The following ANO1 variants were observed in gnomAD, a reference collection of about 807,000 sequenced individuals.
ANO1 encodes anoctamin 1.
In ANO1, 59 loss-of-function variants were observed where a neutral mutation model predicts 124.0. That is an observed-to-expected ratio of 0.48 (90% confidence interval 0.39 to 0.59). The LOEUF (loss-of-function observed/expected upper bound fraction) is 0.59. Ranked by LOEUF, ANO1 falls within the 20% of genes least tolerant of loss-of-function variation. The pLI is 0.00. For missense variants in ANO1, 1,059 were observed against 1,328.0 expected (o/e 0.80, Z 3.15); for synonymous variants, 529 against 532.0 (o/e 0.99, Z 0.08).
the ANO1 span, among the ~76,000 whole-genome samples, chr11:69,974,925 C>G: frequency 6.6e-6 from 1 of 150,994 alleles, no homozygotes; most frequent in Non-Finnish European, 1.5e-5. Context: ...TTAGGACACA[C>G]ACACAGAGGA....
In ANO1 at chr11:70,087,985, G is replaced by T; in HGVS notation, c.342G>T (p.Glu114Asp). 1 of 1,570,122 alleles carries T rather than the reference G, an allele frequency of 6.4e-7. No individual in the cohort carries two copies. The highest frequency in any genetic ancestry group is 1.2e-5 in the South Asian group (1 of 84,848). ...CGTCGCTGGATGCAGGCTCGGGGGA[G>T]CCCCCGATGGACTACCACGAGGATG... ...KGASLDAGSG[E>D]PPMDYHEDDK... The change falls in exon 2 of 26, where the codon GAG becomes GAT. Residue 114 changes from glutamate (E) to aspartate (D), a missense_variant. Physicochemically the swap from Glu to Asp is conservative, Grantham distance 45. Around this residue, in one of 2 missense-constraint regions of ANO1, gnomAD observed 250 missense variants for 233.1 expected, o/e 1.07. Transcript: ENST00000355303.
At chr11:70,086,040 G>A (rs1341017563) in intron 1 of ANO1, among the ~76,000 whole-genome samples, 4 of 152,200 alleles carry the variant, frequency 2.6e-5, no homozygotes, top group African/African-American at 7.2e-5. Flanking sequence ...GGCGCAGCAT[G>A]CCGTCCCTGC....
chr11:70,037,775 G>A (rs1857118654), intron 1 of ANO1, among the ~76,000 whole-genome samples: 1 of 152,130 alleles, frequency 6.6e-6, no homozygotes, highest in Non-Finnish European at 1.5e-5. Context: ...CTGGGCTCTG[G>A]GCAAGTAGTT....
At chr11:70,103,977 C>A (rs190332309) in intron 3 of ANO1, 22 bp from the exon 4 acceptor site, 1 of 1,607,250 alleles carries the variant, frequency 6.2e-7, no homozygotes, top group South Asian at 1.1e-5. Context: ...CGCAGCTCCC[C>A]GGTCCCTTGT....
At chr11:70,152,281 G>A (rs899526735) in intron 12 of ANO1, among the ~76,000 whole-genome samples, 169 bp from the exon 13 acceptor site, 12 of 145,494 alleles carry the variant, frequency 8.2e-5, no homozygotes, top group African/African-American at 3.1e-4. Flanking sequence ...CTTGCAGTGA[G>A]CTGAGACCGC....
intron 1 of ANO1, among the ~76,000 whole-genome samples, chr11:70,079,507 G>A (rs1015516715): frequency 6.6e-6 from 1 of 152,024 alleles, no homozygotes; most frequent in Admixed American, 6.5e-5. Flanking sequence ...TTAGAGAGGG[G>A]GGCAGAATTC....
At chr11:69,989,808 C>T (rs1856119487) in intron 1 of ANO1, among the ~76,000 whole-genome samples, 2 of 152,128 alleles carry the variant, frequency 1.3e-5, no homozygotes, top group African/African-American at 4.8e-5. Context: ...AAGTAGGGCC[C>T]ACAGGAATTG....
chr11:70,105,079 C>G (rs7947409), intron 4 of ANO1, among the ~76,000 whole-genome samples: 7 of 151,756 alleles, frequency 4.6e-5, no homozygotes, highest in African/African-American at 1.7e-4. Context: ...CCAGGACCCC[C>G]GCCGACCTCC....
upstream of ANO1, chr11:70,075,559 A>C (rs2044047281): frequency 6.6e-6 from 1 of 152,216 alleles, no homozygotes; most frequent in African/African-American, 2.4e-5. Flanking sequence ...GTGGCCAAAC[A>C]GGCCAGCTGG....
upstream of ANO1, among the ~76,000 whole-genome samples, chr11:70,077,210 T>C (rs2044072938): frequency 6.6e-6 from 1 of 152,248 alleles, no homozygotes; most frequent in African/African-American, 2.4e-5. Context: ...TGTGTGAACC[T>C]GGTAGACAAC....
At chr11:70,014,645 C>T (rs1177497902) in intron 1 of ANO1, among the ~76,000 whole-genome samples, 1 of 152,010 alleles carries the variant, frequency 6.6e-6, no homozygotes. Context: ...TGGGAACACT[C>T]CTGTTGAGAG....
At chr11:70,022,774 T>G (rs2135003176) in intron 1 of ANO1, among the ~76,000 whole-genome samples, 1 of 152,262 alleles carries the variant, frequency 6.6e-6, no homozygotes, top group East Asian at 1.9e-4. Flanking sequence ...TGAATCTCTT[T>G]TATTACACTT....
chr11:70,136,505 A>G (rs927845412), intron 11 of ANO1, among the ~76,000 whole-genome samples: 1 of 148,544 alleles, frequency 6.7e-6, no homozygotes, highest in African/African-American at 2.4e-5. Context: ...GGCCGATTTC[A>G]TGTTTGGGGC....
intron 1 of ANO1, among the ~76,000 whole-genome samples, chr11:70,017,080 T>A (rs1227958669): frequency 2.6e-5 from 4 of 152,230 alleles, no homozygotes; most frequent in African/African-American, 9.6e-5. Flanking sequence ...GAAAGATGCC[T>A]GGCACAGAGC....
chr11:70,002,296 T>C (rs2120352092), intron 1 of ANO1, among the ~76,000 whole-genome samples: 1 of 151,714 alleles, frequency 6.6e-6, no homozygotes, highest in East Asian at 1.9e-4. Context: ...AAACCCCATC[T>C]CTACTAAAAA....
At chr11:69,994,254 A>C (rs1856217822) in intron 1 of ANO1, among the ~76,000 whole-genome samples, 2 of 152,160 alleles carry the variant, frequency 1.3e-5, no homozygotes, top group Non-Finnish European at 1.5e-5. Context: ...TTTTTGTGCT[A>C]TATGATAAAG....
At chr11:69,991,488 G>A (rs1333951552) in intron 1 of ANO1, among the ~76,000 whole-genome samples, 1 of 152,200 alleles carries the variant, frequency 6.6e-6, no homozygotes, top group African/African-American at 2.4e-5. Context: ...AAATGCAAAG[G>A]CTGGAGGAAG....
chr11:70,186,352 G>GGAAGGAAGGAAGGAAGGAAGGA (rs2049120748), intron 25 of ANO1, among the ~76,000 whole-genome samples: 7 of 126,820 alleles, frequency 5.5e-5, no homozygotes, highest in African/African-American at 2.0e-4. Context: ...GAGGGGGAGG[G>GGAAGGAAGGAAGGAAGGAAGGA]AGGAAGGAAG....
At chr11:70,096,603 G>A (rs767188558) in intron 2 of ANO1, among the ~76,000 whole-genome samples, 19 of 152,166 alleles carry the variant, frequency 1.2e-4, no homozygotes, top group Non-Finnish European at 2.4e-4. Flanking sequence ...GCTCATGCCT[G>A]TAATCCCACC....
Sources: gnomAD v4.1 joint callset for allele counts (sites outside exome capture counted in the v4.1 genomes callset) on GRCh38, gnomAD v4.1.1 for gene constraint, gnomAD v4.1.1 regional missense constraint, MANE v1.5 for transcripts, NCBI Gene and HGNC (gene_info 2026-07-23, HGNC 2026-07-21) for gene names.